KCNAB1: variants seen among roughly 807,000 people sequenced by gnomAD.
KCNAB1 encodes the protein potassium voltage-gated channel subfamily A regulatory beta subunit 1, also known as voltage-gated potassium channel subunit beta-1.
KCNAB1 carries 35 observed loss-of-function variants against 64.6 expected under a neutral mutation model. That is an observed-to-expected ratio of 0.54 (90% CI 0.41 to 0.72). KCNAB1 has a LOEUF of 0.72. KCNAB1 is among the 30% of genes least tolerant of loss of function. The probability of loss-of-function intolerance (pLI) is 0.00; values close to 1 mark genes in which losing one functional copy is unlikely to be tolerated. For missense variants in KCNAB1, 401 were observed against 512.9 expected (o/e 0.78, Z 2.11); for synonymous variants, 177 against 183.8 (o/e 0.96, Z 0.30).
intron 1 of KCNAB1, among the ~76,000 whole-genome samples, chr3:156,205,187 T>C (rs1714578934): frequency 6.6e-6 from 1 of 152,226 alleles, no homozygotes; most frequent in Non-Finnish European, 1.5e-5. Context: ...GTTTCCTTTC[T>C]CAAGCTTAAT....
At chr3:156,482,039 C>T (rs923364346) in intron 8 of KCNAB1, among the ~76,000 whole-genome samples, 1 of 152,090 alleles carries the variant, frequency 6.6e-6, no homozygotes, top group Non-Finnish European at 1.5e-5. Context: ...ATGGAGATAG[C>T]CAAGCTGCAG....
intron 1 of KCNAB1, among the ~76,000 whole-genome samples, chr3:156,186,884 C>T (rs1331624378): frequency 1.3e-5 from 2 of 149,688 alleles, no homozygotes; most frequent in Non-Finnish European, 3.0e-5. Flanking sequence ...TGGAGTCTCA[C>T]TCTGTTGCCC....
chr3:156,193,059 T>C (rs1247353655), intron 1 of KCNAB1, among the ~76,000 whole-genome samples: 1 of 152,134 alleles, frequency 6.6e-6, no homozygotes, highest in Non-Finnish European at 1.5e-5. Context: ...GTTTTCTACT[T>C]GTCTTATCTA....
Position 156,200,381 on chromosome 3 carries a change from C to T in KCNAB1, c.275+79495C>T, listed in dbSNP as rs1259692244. Among the ~76,000 whole-genome samples, 6 of 152,228 alleles carry T rather than the reference C, an allele frequency of 3.9e-5. No homozygotes were observed. In the South Asian group the frequency reaches 6.2e-4, roughly 16 times the overall value. ...GGGAGATCCACTGCTCTCTTCAGAA[C>T]TGGCAGGCAAGAAGCTTTGTCTGCT... is the stretch of plus-strand genomic sequence containing the variant. On this transcript the variant is annotated intron_variant, in intron 1 of 13. Coordinates refer to ENST00000490337, the MANE Select transcript of KCNAB1 (RefSeq NM_172160.3).
chr3:156,446,495 A>G (rs1290439081), intron 2 of KCNAB1, among the ~76,000 whole-genome samples: 1 of 152,206 alleles, frequency 6.6e-6, no homozygotes, highest in Non-Finnish European at 1.5e-5. Context: ...ATGTCTCTCA[A>G]TTATGACTAC....
At chr3:156,465,368 A>G (rs1357434) in intron 6 of KCNAB1, among the ~76,000 whole-genome samples, 3,516 of 152,288 alleles carry the variant, frequency 0.023, 92 homozygotes, top group East Asian at 0.12. Flanking sequence ...CTTGAGTTAA[A>G]TATGGACAGA....
intron 12 of KCNAB1, among the ~76,000 whole-genome samples, chr3:156,530,042 A>T (rs755167851): frequency 1.3e-5 from 2 of 152,202 alleles, no homozygotes; most frequent in African/African-American, 2.4e-5. Context: ...CAGTAAGGGA[A>T]TCTGGACTGA....
At chr3:156,361,154 TTCTCA>T (rs1725584669) in intron 1 of KCNAB1, among the ~76,000 whole-genome samples, 1 of 152,142 alleles carries the variant, frequency 6.6e-6, no homozygotes, top group Non-Finnish European at 1.5e-5. Context: ...CTCATCATTC[TTCTCA>T]TCTCAGCTTA....
Position 156,387,014 on chromosome 3 carries a change from C to CTCTTTTTTTTTTTTTTTTTTTTTTTTT in KCNAB1, c.276-34601_276-34600insCTTTTTTTTTTTTTTTTTTTTTTTTTT, listed in dbSNP as rs60888308. Reference sequence around the variant, plus strand: ...TCTTGCTTGCTTGCTTTCTCTCTCTCTTTTTTTTTTTTTTTTTTTTGCCTG... The same window carrying CTCTTTTTTTTTTTTTTTTTTTTTTTTT: ...TCTTGCTTGCTTGCTTTCTCTCTCTCTCTTTTTTTTTTTTTTTTTTTTTTTTTTTTTTTTTTTTTTTTTTTTTGCCTG... On this transcript the variant is annotated intron_variant, in intron 1 of 13. Transcript: ENST00000490337. Among the ~76,000 whole-genome samples, 14 of 90,526 alleles carry CTCTTTTTTTTTTTTTTTTTTTTTTTTT rather than the reference C, an allele frequency of 1.5e-4. 4 individuals carry two copies. Among genetic ancestry groups the CTCTTTTTTTTTTTTTTTTTTTTTTTTT allele is most frequent in the African/African-American group, 4.9e-4 (9 of 18,356 alleles). 59.4% of individuals were successfully genotyped at this position (90,526 alleles called of 152,430 possible). A position where few individuals can be genotyped will look rare whatever the true frequency, so the allele number is the denominator to read the frequency against.
At chr3:156,351,606 G>C (rs1260409465) in intron 1 of KCNAB1, among the ~76,000 whole-genome samples, 1 of 152,236 alleles carries the variant, frequency 6.6e-6, no homozygotes, top group East Asian at 1.9e-4. Context: ...TGGAGGTGGA[G>C]AGGCCTGGGA....
chr3:156,131,107 T>C (rs745967912), intron 1 of KCNAB1, among the ~76,000 whole-genome samples: 2 of 152,216 alleles, frequency 1.3e-5, no homozygotes, highest in Non-Finnish European at 2.9e-5. Context: ...CCCAGGTCTT[T>C]CAAATTGTAG....
chr3:156,184,841 G>A (rs972206566), intron 1 of KCNAB1, among the ~76,000 whole-genome samples: 3 of 152,102 alleles, frequency 2.0e-5, no homozygotes, highest in Non-Finnish European at 4.4e-5. Context: ...GTCCCATACT[G>A]GTTGGGCCAT....
intron 1 of KCNAB1, among the ~76,000 whole-genome samples, chr3:156,259,619 T>C (rs760369035): frequency 4.6e-5 from 7 of 152,220 alleles, no homozygotes; most frequent in Non-Finnish European, 7.3e-5. Context: ...GTCCCTAACA[T>C]AGCTGACTTT....
intron 1 of KCNAB1, among the ~76,000 whole-genome samples, chr3:156,401,607 T>C (rs1265922019): frequency 6.6e-6 from 1 of 152,206 alleles, no homozygotes; most frequent in Non-Finnish European, 1.5e-5. Context: ...ATTCTCTTTG[T>C]CTAACAATTA....
chr3:156,333,638 T>C (rs1000425031), intron 1 of KCNAB1, among the ~76,000 whole-genome samples: 2 of 152,180 alleles, frequency 1.3e-5, no homozygotes, highest in African/African-American at 2.4e-5. Flanking sequence ...TGAGTATATT[T>C]ATAAGAGATG....
At chr3:156,324,750 G>A (rs754782114) in intron 1 of KCNAB1, among the ~76,000 whole-genome samples, 1 of 152,038 alleles carries the variant, frequency 6.6e-6, no homozygotes, top group African/African-American at 2.4e-5. Context: ...CACTCAACTG[G>A]CATTAGTTAG....
chr3:156,267,680 C>T (rs557127953), intron 1 of KCNAB1, among the ~76,000 whole-genome samples: 3 of 152,264 alleles, frequency 2.0e-5, no homozygotes, highest in African/African-American at 7.2e-5. Context: ...GAGTCTTCCT[C>T]TCCTATTCTC....
chr3:156,474,849 T>C, intron 8 of KCNAB1, 29 bp downstream of exon 8: 1 of 1,532,772 alleles, frequency 6.5e-7, no homozygotes, highest in Non-Finnish European at 9.0e-7. Flanking sequence ...TAAAATACTC[T>C]AGAAATCTTG....
intron 1 of KCNAB1, among the ~76,000 whole-genome samples, chr3:156,138,781 AG>A (rs1483483098): frequency 6.6e-6 from 1 of 152,198 alleles, no homozygotes; most frequent in South Asian, 2.1e-4. Context: ...AGAGAAACTA[AG>A]GGGTCAGAAA....
Sources: gnomAD v4.1 joint callset for allele counts (sites outside exome capture counted in the v4.1 genomes callset) on GRCh38, gnomAD v4.1.1 for gene constraint, MANE v1.5 for transcripts, NCBI Gene and HGNC (gene_info 2026-07-23, HGNC 2026-07-21) for gene names.